The following PACRG variants were observed in gnomAD, a reference collection of about 807,000 sequenced individuals.
PACRG encodes the protein parkin coregulated gene protein.
Under a neutral mutation model 29.7 loss-of-function variants are expected in PACRG, and 29 were observed. The observed-to-expected ratio is 0.98, with a 90% CI of 0.73 to 1.33. The LOEUF is 1.33. Among genes scored for constraint, PACRG ranks in the 40% most tolerant of loss-of-function variants. PACRG has a pLI of 0.00. For missense variants in PACRG, 279 were observed against 316.2 expected, an observed-to-expected ratio of 0.88 and a Z score of 0.89; for synonymous variants, 116 against 118.7, an observed-to-expected ratio of 0.98 and a Z score of 0.15.
intron 4 of PACRG, among the ~76,000 whole-genome samples, chr6:163,135,815 C>T (rs1460377009): frequency 3.3e-5 from 5 of 152,216 alleles, no homozygotes; most frequent in African/African-American, 1.2e-4. Flanking sequence ...AAATGCCCAA[C>T]ATCTGAATCC....
At chr6:163,109,170 G>A (rs1447163734) in intron 4 of PACRG, among the ~76,000 whole-genome samples, 1 of 152,184 alleles carries the variant, frequency 6.6e-6, no homozygotes, top group East Asian at 1.9e-4. Context: ...TTGAAAGTAA[G>A]GTTTCTCTAC....
At chr6:163,231,202 G>A (rs1311162216) in intron 4 of PACRG, among the ~76,000 whole-genome samples, 1 of 152,238 alleles carries the variant, frequency 6.6e-6, no homozygotes, top group Non-Finnish European at 1.5e-5. Context: ...CCTGCCAGCA[G>A]CACTGGCGTC....
chr6:162,733,976 G>A (rs1276540587), intron 1 of PACRG, among the ~76,000 whole-genome samples: 1 of 152,088 alleles, frequency 6.6e-6, no homozygotes, highest in Non-Finnish European at 1.5e-5. Context: ...CCCCAGAAGG[G>A]CAGGAATTTG....
intron 2 of PACRG, among the ~76,000 whole-genome samples, chr6:162,875,242 C>T (rs1371286385): frequency 6.6e-6 from 1 of 151,854 alleles, no homozygotes; most frequent in Non-Finnish European, 1.5e-5. Flanking sequence ...CATGCACAGA[C>T]ATTCACACAC....
Position 163,269,857 on chromosome 6 carries a change from G to A in PACRG, c.614-44970G>A, listed in dbSNP as rs56370390. ...AAAGAAAAAGAAAGAAAGAAAGAAA[G>A]AGAAAGAAAGAGAAAGAAAGAAAGA... On this transcript the variant is annotated intron_variant, in intron 4 of 4. Coordinates refer to ENST00000366888, the MANE Select transcript of PACRG (RefSeq NM_001080379.2). Among the ~76,000 whole-genome samples, 467 of 56,538 alleles carry A rather than the reference G, an allele frequency of 8.3e-3. 85 individuals are homozygous for A. Among genetic ancestry groups the A allele is most frequent in the Non-Finnish European group, 0.013 (380 of 28,944 alleles). 37.1% of individuals were successfully genotyped at this position (56,538 alleles called of 152,430 possible). A position where few individuals can be genotyped will look rare whatever the true frequency, so the allele number is the denominator to read the frequency against.
chr6:162,878,021 C>G (rs938162271), intron 2 of PACRG, among the ~76,000 whole-genome samples: 1 of 152,100 alleles, frequency 6.6e-6, no homozygotes. Flanking sequence ...TTTCACTTAA[C>G]TGGGTAAATA....
In PACRG at chr6:163,127,037, G is replaced by A. The variant is rs563497000; in HGVS notation, c.613+37629G>A. 3.9e-5 allele frequency among the ~76,000 whole-genome samples: 6 copies of A among 152,288 alleles called. No homozygotes were observed. In the South Asian group the frequency reaches 8.3e-4, roughly 21 times the overall value. On this transcript the variant is annotated intron_variant, in intron 4 of 4. Coordinates refer to ENST00000366888, the MANE Select transcript of PACRG (RefSeq NM_001080379.2). ...TGACTACGTAGCATCAATTACACAC[G>A]TACAACTCTGAGGAGTTGTCAGACT...
intron 2 of PACRG, among the ~76,000 whole-genome samples, chr6:162,931,777 A>T (rs1797870912): frequency 6.6e-6 from 1 of 152,046 alleles, no homozygotes; most frequent in African/African-American, 2.4e-5. Flanking sequence ...GTGAGGATGT[A>T]GAGGAATTGG....
intron 2 of PACRG, among the ~76,000 whole-genome samples, chr6:162,866,400 T>G (rs931528061): frequency 1.3e-5 from 2 of 152,178 alleles, no homozygotes; most frequent in Non-Finnish European, 2.9e-5. Flanking sequence ...AAACATCTCC[T>G]TCTTCTCCAA....
At chr6:163,193,233 C>A (rs914576410) in intron 4 of PACRG, among the ~76,000 whole-genome samples, 5 of 152,158 alleles carry the variant, frequency 3.3e-5, no homozygotes, top group African/African-American at 1.2e-4. Flanking sequence ...AAATATCCAA[C>A]TATAGAAATA....
intron 4 of PACRG, among the ~76,000 whole-genome samples, chr6:163,229,564 A>G (rs1781941309): frequency 6.6e-6 from 1 of 152,186 alleles, no homozygotes; most frequent in Admixed American, 6.5e-5. Flanking sequence ...AGCTTGAATA[A>G]CCTGCACCTG....
chr6:163,138,757 T>A (rs1369578849), intron 4 of PACRG, among the ~76,000 whole-genome samples: 2 of 152,164 alleles, frequency 1.3e-5, no homozygotes, highest in South Asian at 4.1e-4. Context: ...TTGGAGATGT[T>A]CTCCTTTATC....
At chr6:162,752,019 C>T (rs1003333652) in intron 1 of PACRG, among the ~76,000 whole-genome samples, 3 of 152,216 alleles carry the variant, frequency 2.0e-5, no homozygotes, top group South Asian at 4.1e-4. Context: ...TTACATGGCA[C>T]ATCTTAGGGA....
intron 2 of PACRG, among the ~76,000 whole-genome samples, chr6:162,879,813 G>C (rs559520351): frequency 1.3e-5 from 2 of 152,328 alleles, no homozygotes; most frequent in South Asian, 2.1e-4. Context: ...GTGAATTCAA[G>C]AGGGCAGGGA....
intron 4 of PACRG, among the ~76,000 whole-genome samples, chr6:163,296,341 G>A (rs1391954194): frequency 1.3e-5 from 2 of 152,216 alleles, no homozygotes; most frequent in South Asian, 2.1e-4. Context: ...CCCAGGCCAG[G>A]CTGGAGTGCA....
intron 2 of PACRG, among the ~76,000 whole-genome samples, chr6:162,910,704 TA>T (rs1362861837): frequency 2.0e-5 from 3 of 152,202 alleles, no homozygotes; most frequent in African/African-American, 4.8e-5. Context: ...AGGATGTAGT[TA>T]AATGGATTCT....
intron 2 of PACRG, among the ~76,000 whole-genome samples, chr6:163,023,986 G>T (rs6909299): frequency 0.38 from 57,685 of 151,886 alleles, 12,143 homozygotes; most frequent in East Asian, 0.68. Context: ...TTGAATGCAT[G>T]GTTTACAAAT....
At chr6:162,837,228 C>T (rs1789307538) in intron 2 of PACRG, among the ~76,000 whole-genome samples, 1 of 152,042 alleles carries the variant, frequency 6.6e-6, no homozygotes, top group South Asian at 2.1e-4. Flanking sequence ...TTATTAAAGT[C>T]TATGTTTCAG....
At chr6:162,739,712 G>A (rs1469063889) in intron 1 of PACRG, among the ~76,000 whole-genome samples, 1 of 151,840 alleles carries the variant, frequency 6.6e-6, no homozygotes, top group African/African-American at 2.4e-5. Flanking sequence ...TGTGGTGGCA[G>A]GTGTCTGTAG....
Sources: gnomAD v4.1 joint callset for allele counts (sites outside exome capture counted in the v4.1 genomes callset) on GRCh38, gnomAD v4.1.1 for gene constraint, MANE v1.5 for transcripts, NCBI Gene and HGNC (gene_info 2026-07-23, HGNC 2026-07-21) for gene names.